The following COL10A1 variants were observed in gnomAD, a reference collection of about 807,000 sequenced individuals.
COL10A1 encodes the protein collagen alpha-1(X) chain.
COL10A1 carries 10 observed loss-of-function variants against 18.2 expected under a neutral mutation model. The observed-to-expected ratio is 0.55, with a 90% CI of 0.34 to 0.93. COL10A1 has a LOEUF of 0.93. COL10A1 is among the 40% of genes least tolerant of loss of function. The pLI is 0.02. For synonymous variants in COL10A1, 330 were observed against 316.6 expected (o/e 1.04, Z -0.45); for missense variants, 897 against 853.5 (o/e 1.05, Z -0.64).
In COL10A1 at chr6:116,120,115, A is replaced by G; in HGVS notation, c.2001T>C (p.Tyr667=). 6.2e-7 allele frequency: 1 copy of G among 1,614,148 alleles called. No homozygotes were observed. Among genetic ancestry groups the G allele is most frequent in the Non-Finnish European group, 8.5e-7 (1 of 1,180,018 alleles). The stretch of plus-strand genomic sequence containing the variant: ...GGAATCCTGAGAAAGAGGAGTGGAC[A>G]TACTCAGAGGAGTATAGGCCATTTG... ...AESNGLYSSE[Y]VHSSFSGFLV... Residue 667 remains tyrosine (Y), a synonymous_variant, in exon 3 of 3, where the codon TAT becomes TAC. Coordinates refer to ENST00000651968, the MANE Select transcript of COL10A1 (RefSeq NM_000493.4).
At chr6:116,185,672 T>G in the COL10A1 span, among the ~76,000 whole-genome samples, 1 of 152,142 alleles carries the variant, frequency 6.6e-6, no homozygotes, top group Non-Finnish European at 1.5e-5. Context: ...TTGTCTGATG[T>G]AAGAATAGCT....
At chr6:116,183,497 G>T in the COL10A1 span, among the ~76,000 whole-genome samples, 1 of 151,388 alleles carries the variant, frequency 6.6e-6, no homozygotes, top group East Asian at 1.9e-4. Flanking sequence ...ATATTTTGTG[G>T]GATTTTTATA....
Position 116,120,947 on chromosome 6 carries a change from TAC to T in COL10A1, c.1167_1168del (p.Tyr390ProfsTer10). The T allele has an allele frequency of 6.2e-7, 1 of 1,613,660 alleles. No homozygotes were observed. Among genetic ancestry groups the T allele is most frequent in the Non-Finnish European group, 8.5e-7 (1 of 1,179,808 alleles). On this transcript the variant is annotated frameshift_variant, in exon 3 of 3. Transcript: ENST00000651968. LOFTEE classifies it low-confidence loss of function (END_TRUNC). The stretch of plus-strand genomic sequence containing the variant: ...ACCATCGAGACCTGGTTTTCCTGGG[TAC>T]CCTGGTTTTCCATCTGACCCAGGGG...
At chr6:116,198,706 G>C in the COL10A1 span, among the ~76,000 whole-genome samples, 1 of 151,918 alleles carries the variant, frequency 6.6e-6, no homozygotes, top group Non-Finnish European at 1.5e-5. Flanking sequence ...TCCAGCCTGG[G>C]CAACAGGGGA....
At chr6:116,188,949 T>C in the COL10A1 span, among the ~76,000 whole-genome samples, 3 of 151,936 alleles carry the variant, frequency 2.0e-5, no homozygotes, top group African/African-American at 7.2e-5. Flanking sequence ...TAATTTATAA[T>C]TGGAATGGAT....
At chr6:116,143,486 A>G (rs576917351) in intron 1 of COL10A1, among the ~76,000 whole-genome samples, 2 of 152,290 alleles carry the variant, frequency 1.3e-5, no homozygotes, top group East Asian at 3.9e-4. Context: ...TGCTGGGATT[A>G]CAGGCTTGAG....
chr6:116,210,947 G>A, the COL10A1 span, among the ~76,000 whole-genome samples: 1 of 152,000 alleles, frequency 6.6e-6, no homozygotes, highest in East Asian at 1.9e-4. Context: ...ATGCCTCCCA[G>A]AAGTCACACC....
At chr6:116,166,365 A>G in the COL10A1 span, among the ~76,000 whole-genome samples, 1 of 152,198 alleles carries the variant, frequency 6.6e-6, no homozygotes, top group Non-Finnish European at 1.5e-5. Context: ...CAATTTTGAT[A>G]CATGGTGGTT....
At chr6:116,191,607 A>G in the COL10A1 span, among the ~76,000 whole-genome samples, 2 of 152,092 alleles carry the variant, frequency 1.3e-5, no homozygotes, top group Non-Finnish European at 2.9e-5. Context: ...GATACCACCA[A>G]TTATATGAAA....
chr6:116,192,883 C>A, the COL10A1 span, among the ~76,000 whole-genome samples: 16,603 of 152,056 alleles, frequency 0.11, 1,073 homozygotes, highest in African/African-American at 0.18. Flanking sequence ...TGCTTTCTCA[C>A]GTTGCATCTT....
the COL10A1 span, among the ~76,000 whole-genome samples, chr6:116,207,439 G>A: frequency 6.6e-6 from 1 of 151,746 alleles, no homozygotes; most frequent in South Asian, 2.1e-4. Context: ...TATAGGTAAA[G>A]ACTAAGTTTA....
rs745701381 is a variant in COL10A1 at position 116,125,387 on chromosome 6, G to A, written c.106C>T (p.Pro36Ser). 4 of 1,613,566 alleles carry A rather than the reference G, an allele frequency of 2.5e-6. 1 individual carries two copies. In the South Asian group the frequency reaches 4.4e-5, roughly 18 times the overall value. Residue 36 changes from proline (P) to serine (S), a missense_variant, in exon 2 of 3, where the codon CCC becomes TCC. Pro to Ser is a moderately conservative substitution (Grantham distance 74). Coordinates refer to ENST00000651968, the MANE Select transcript of COL10A1 (RefSeq NM_000493.4). ...ATGAAGAACTGTGTCTTGGTGTTGGGTAGTGGGCCTTTTATGCCTGTGGGC... is the reference window on the plus strand; with the variant it reads ...ATGAAGAACTGTGTCTTGGTGTTGGATAGTGGGCCTTTTATGCCTGTGGGC... ...QMPTGIKGPL[P>S]NTKTQFFIPY...
At chr6:116,196,019 G>T in the COL10A1 span, among the ~76,000 whole-genome samples, 1 of 151,976 alleles carries the variant, frequency 6.6e-6, no homozygotes, top group African/African-American at 2.4e-5. Context: ...AGTACCTATT[G>T]TAACACTCAT....
intron 1 of COL10A1, among the ~76,000 whole-genome samples, chr6:116,141,454 T>C (rs1779761625): frequency 6.6e-6 from 1 of 152,136 alleles, no homozygotes; most frequent in African/African-American, 2.4e-5. Context: ...TCATTGAGAT[T>C]CAATAAATTA....
At chr6:116,162,255 G>A (rs1780353199), upstream of COL10A1, among the ~76,000 whole-genome samples, 1 of 152,076 alleles carries the variant, frequency 6.6e-6, no homozygotes, top group Non-Finnish European at 1.5e-5. Flanking sequence ...TTTCCGATTT[G>A]GATGCCTTTA....
chr6:116,153,339 AGTTTTT>A lies in COL10A1; in HGVS notation c.-16+5269_-16+5274del, dbSNP rs574021580. Among the ~76,000 whole-genome samples, 394 of 108,984 alleles carry A rather than the reference AGTTTTT, an allele frequency of 3.6e-3. 10 individuals carry two copies. In the South Asian group the frequency reaches 0.05, roughly 14 times the overall value. The allele number at this position is 108,984 out of a possible 152,430, so 71.5% of individuals were successfully genotyped here. On this transcript the variant is annotated intron_variant, in intron 1 of 1. Coordinates refer to the COL10A1 transcript ENST00000418500. ...ACTGCCCATAAACATCAGCTCTAAA[AGTTTTT>A]CACAAACATCTTGAGGGTGAATTTA...
At chr6:116,198,104 T>A in the COL10A1 span, among the ~76,000 whole-genome samples, 3 of 152,040 alleles carry the variant, frequency 2.0e-5, no homozygotes, top group Non-Finnish European at 2.9e-5. Flanking sequence ...AAAGGGTTAT[T>A]TCTCCTGTCA....
At chr6:116,156,868 C>G (rs1319678709) in intron 1 of COL10A1, among the ~76,000 whole-genome samples, 2 of 152,222 alleles carry the variant, frequency 1.3e-5, no homozygotes, top group South Asian at 4.1e-4. Context: ...TACATCACAA[C>G]TCTTGCCACA....
At chr6:116,214,975 G>C in the COL10A1 span, among the ~76,000 whole-genome samples, 1 of 152,098 alleles carries the variant, frequency 6.6e-6, no homozygotes, top group Non-Finnish European at 1.5e-5. Context: ...GAGGTCTCTA[G>C]GGTGGGGGGC....
Sources: allele counts gnomAD v4.1 joint callset (sites outside exome capture counted in the v4.1 genomes callset), GRCh38; gene constraint gnomAD v4.1.1; transcripts MANE v1.5; gene names NCBI Gene and HGNC (gene_info 2026-07-23, HGNC 2026-07-21).